The following SOCS6 variants were observed in gnomAD, a reference collection of about 807,000 sequenced individuals.
SOCS6 encodes STAT induced STAT inhibitor-4.
A neutral mutation model predicts 27.7 loss-of-function variants in SOCS6; 5 were observed. The observed-to-expected ratio is 0.18, with a 90% CI of 0.09 to 0.38. The LOEUF is 0.38. Among genes scored for constraint, SOCS6 ranks in the 10% least tolerant of loss-of-function variants. SOCS6 has a pLI of 1.00. For synonymous variants in SOCS6, 271 were observed against 260.0 expected (o/e 1.04, Z -0.41); for missense variants, 595 against 688.1 (o/e 0.86, Z 1.51).
chr18:70,327,689 A>T lies in SOCS6; in HGVS notation c.*1413A>T, dbSNP rs918262590. ...CATTTCACAGTTCTGCAATGGATGT[A>T]GTATTTTGGGATTGCCCTGTCCAGA... On this transcript the variant is annotated 3_prime_UTR_variant, in exon 2 of 2. Coordinates refer to ENST00000397942, the MANE Select transcript of SOCS6 (RefSeq NM_004232.4). The T allele has an allele frequency of 1.8e-5, 3 of 166,996 alleles. No individual in the cohort carries two copies. Among genetic ancestry groups the T allele is most frequent in the South Asian group, 4.1e-4 (2 of 4,832 alleles). The allele number at this position is 166,996 out of a possible 1,614,324, so 10.3% of individuals were successfully genotyped here. A position where few individuals can be genotyped will look rare whatever the true frequency, so the allele number is the denominator to read the frequency against.
chr18:70,298,149 A>T (rs1336404566), intron 1 of SOCS6, among the ~76,000 whole-genome samples: 1 of 141,216 alleles, frequency 7.1e-6, no homozygotes, highest in Non-Finnish European at 1.5e-5. Flanking sequence ...TAATATATAA[A>T]CAAATTACTT....
At chr18:70,303,838 T>C (rs890642040) in intron 1 of SOCS6, among the ~76,000 whole-genome samples, 1 of 152,174 alleles carries the variant, frequency 6.6e-6, no homozygotes, top group Non-Finnish European at 1.5e-5. Flanking sequence ...AGGCAATCAA[T>C]ACAACCATTT....
At chr18:70,306,390 G>A (rs2062369180) in intron 1 of SOCS6, among the ~76,000 whole-genome samples, 1 of 148,714 alleles carries the variant, frequency 6.7e-6, no homozygotes, top group African/African-American at 2.5e-5. Context: ...AGCTGAGGCA[G>A]GAGAATCTCT....
chr18:70,296,615 C>T (rs2062323805), intron 1 of SOCS6: 1 of 152,240 alleles, frequency 6.6e-6, no homozygotes, highest in Non-Finnish European at 1.5e-5. Flanking sequence ...ATATTGCAGG[C>T]ATTGCTCCGT....
rs1399221875 is a variant in SOCS6, at chr18:70,326,561, C to A, written c.*285C>A. On this transcript the variant is annotated 3_prime_UTR_variant, in exon 2 of 2. Transcript: ENST00000397942. ...GAATTATCAAATTCTCCTCAATGCC[C>A]CCCCCGCCCAGTCCTTTGCTGCTAT... The A allele has an allele frequency of 2.8e-6, 1 of 359,766 alleles. No individual in the cohort carries two copies. The highest frequency in any genetic ancestry group is 5.3e-6 in the Non-Finnish European group (1 of 190,206). The allele number at this position is 359,766 out of a possible 1,614,324, so 22.3% of individuals were successfully genotyped here.
At position 70,326,371 on chromosome 18, in the gene SOCS6, C is replaced by A; in HGVS notation, c.*95C>A. ...TCATTGCCATCAAAATCTTTTGCTG[C>A]CATAACTATTTCAGTTTTATGTGTA... is the stretch of plus-strand genomic sequence containing the variant. On this transcript the variant is annotated 3_prime_UTR_variant, in exon 2 of 2. Transcript: ENST00000397942. The A allele has an allele frequency of 1.8e-6, 2 of 1,083,536 alleles. No homozygotes were observed. Among genetic ancestry groups the A allele is most frequent in the Non-Finnish European group, 2.7e-6 (2 of 745,290 alleles). The allele number at this position is 1,083,536 out of a possible 1,614,324, so 67.1% of individuals were successfully genotyped here. A position where few individuals can be genotyped will look rare whatever the true frequency, so the allele number is the denominator to read the frequency against.
Position 70,328,283 on chromosome 18 carries a change from G to GT in SOCS6, c.*2011dup, listed in dbSNP as rs1383898601. 3.0e-5 allele frequency: 5 copies of GT among 167,112 alleles called. No homozygotes were observed. In the East Asian group the frequency reaches 9.7e-4, roughly 32 times the overall value. The allele number at this position is 167,112 out of a possible 1,614,324, so 10.4% of individuals were successfully genotyped here. On this transcript the variant is annotated 3_prime_UTR_variant, in exon 2 of 2. Coordinates refer to ENST00000397942, the MANE Select transcript of SOCS6 (RefSeq NM_004232.4). Reference sequence around the variant, plus strand: ...CCTGTGCATCTATATTAGATGGCAGGTTTTGTCACAGAGTCACTGTGTATT... The same window carrying GT: ...CCTGTGCATCTATATTAGATGGCAGGTTTTTGTCACAGAGTCACTGTGTATT...
chr18:70,294,360 G>T (rs2146259509), intron 1 of SOCS6, among the ~76,000 whole-genome samples: 1 of 151,950 alleles, frequency 6.6e-6, no homozygotes, highest in South Asian at 2.1e-4. Context: ...TTTTGTTGTT[G>T]TTCTTTGGAG....
intron 1 of SOCS6, among the ~76,000 whole-genome samples, chr18:70,296,058 T>A (rs889798823): frequency 1.3e-5 from 2 of 152,212 alleles, no homozygotes; most frequent in African/African-American, 4.8e-5. Flanking sequence ...CAGGAGCCTC[T>A]ACCGTCAACT....
chr18:70,307,895 G>T (rs1044930765), intron 1 of SOCS6, among the ~76,000 whole-genome samples: 3 of 151,842 alleles, frequency 2.0e-5, no homozygotes, highest in African/African-American at 7.3e-5. Context: ...ATTGGGTTTA[G>T]TTATTTTCTA....
At chr18:70,313,773 A>G (rs2062399893) in intron 1 of SOCS6, among the ~76,000 whole-genome samples, 1 of 152,288 alleles carries the variant, frequency 6.6e-6, no homozygotes, top group Non-Finnish European at 1.5e-5. Context: ...TATGTCATGT[A>G]GCTCATTCTC....
At position 70,325,376 on chromosome 18, in the gene SOCS6, A is replaced by C. The variant is rs139294912; in HGVS notation, c.708A>C (p.Gly236=). ...ATGAGGGGATGTATCCTTTGGAAGGATCACGGAGCTATTGTCTGGACAGCT... is the reference window on the plus strand; with the variant it reads ...ATGAGGGGATGTATCCTTTGGAAGGCTCACGGAGCTATTGTCTGGACAGCT... ...PLDEGMYPLE[G]SRSYCLDSSS... is the part of the protein sequence containing the mutation. Residue 236 remains glycine (G), a synonymous_variant, in exon 2 of 2, where the codon GGA becomes GGC. Coordinates refer to ENST00000397942, the MANE Select transcript of SOCS6 (RefSeq NM_004232.4). This position sits in a 1 kb window ranked among gnomAD's most constrained non-coding sequence, Gnocchi z 6.3. The C allele has an allele frequency of 3.1e-6, 5 of 1,614,070 alleles. No homozygotes were observed. Among genetic ancestry groups the C allele is most frequent in the Non-Finnish European group, 4.2e-6 (5 of 1,180,042 alleles).
intron 1 of SOCS6, among the ~76,000 whole-genome samples, chr18:70,302,987 C>T (rs2062355036): frequency 6.6e-6 from 1 of 151,464 alleles, no homozygotes; most frequent in African/African-American, 2.4e-5. Flanking sequence ...TTTACTCAAC[C>T]ATTTCCTTTA....
rs1911238133 is a variant in SOCS6, at chr18:70,327,106, T to C, written c.*830T>C. Reference sequence around the variant, plus strand: ...AACTAGAATTATTATTAAAGAAATATTAGATGATCATAGCTTCCTGTGATA... The same window carrying C: ...AACTAGAATTATTATTAAAGAAATACTAGATGATCATAGCTTCCTGTGATA... On this transcript the variant is annotated 3_prime_UTR_variant, in exon 2 of 2. Transcript: ENST00000397942. 1 of 166,940 alleles carries C rather than the reference T, an allele frequency of 6.0e-6. No homozygotes were observed. The highest frequency in any genetic ancestry group is 2.4e-5 in the African/African-American group (1 of 41,452). The allele number at this position is 166,940 out of a possible 1,614,324, so 10.3% of individuals were successfully genotyped here.
At chr18:70,302,419 G>A (rs2062352291) in intron 1 of SOCS6, among the ~76,000 whole-genome samples, 1 of 152,148 alleles carries the variant, frequency 6.6e-6, no homozygotes, top group Non-Finnish European at 1.5e-5. Flanking sequence ...GGGAAAAGTA[G>A]TTTGATTTCC....
At chr18:70,292,715 C>T (rs897550871) in intron 1 of SOCS6, among the ~76,000 whole-genome samples, 3 of 152,180 alleles carry the variant, frequency 2.0e-5, no homozygotes, top group African/African-American at 7.2e-5. Context: ...TTTCATTTCT[C>T]CCTAATTCTC....
chr18:70,303,212 G>A (rs539344101), intron 1 of SOCS6, among the ~76,000 whole-genome samples: 2 of 152,090 alleles, frequency 1.3e-5, no homozygotes, highest in African/African-American at 2.4e-5. Flanking sequence ...CTTAACAAAC[G>A]AACAATATGA....
Position 70,325,240 on chromosome 18 carries a change from T to C in SOCS6, c.572T>C (p.Leu191Pro). 1 of 1,614,234 alleles carries C rather than the reference T, an allele frequency of 6.2e-7. No homozygotes were observed. Among genetic ancestry groups the C allele is most frequent in the South Asian group, 1.1e-5 (1 of 91,088 alleles). ...ETTCQEQANS[L>P]KSSASHNGDL... The stretch of plus-strand genomic sequence containing the variant: ...ACGTGCCAGGAGCAAGCCAATTCAC[T>C]GAAGAGCTCGGCTTCTCATAATGGA... Residue 191 changes from leucine to proline, a missense_variant, in exon 2 of 2, where the codon CTG becomes CCG. Physicochemically the swap from Leu to Pro is moderately conservative, Grantham distance 98. This residue lies in a region of SOCS6 where 467 missense variants were observed against 481.1 expected (regional missense o/e 0.97). Transcript: ENST00000397942. This position sits in a 1 kb window ranked among gnomAD's most constrained non-coding sequence, Gnocchi z 6.3.
intron 1 of SOCS6, among the ~76,000 whole-genome samples, chr18:70,304,361 C>T (rs930874637): frequency 4.0e-5 from 6 of 151,264 alleles, no homozygotes; most frequent in South Asian, 2.1e-4. Flanking sequence ...CTTCAATCAT[C>T]GCTTTCCTGC....
Sources: gnomAD v4.1 joint callset for allele counts (sites outside exome capture counted in the v4.1 genomes callset) on GRCh38, gnomAD v4.1.1 for gene constraint, gnomAD v4.1.1 regional missense constraint, Gnocchi (gnomAD v3.1) non-coding constraint, MANE v1.5 for transcripts, NCBI Gene and HGNC (gene_info 2026-07-23, HGNC 2026-07-21) for gene names.